PRMT7: variants seen among roughly 807,000 people sequenced by gnomAD.
The protein encoded by PRMT7 is protein arginine N-methyltransferase 7.
PRMT7 carries 75 observed loss-of-function variants against 85.4 expected under a neutral mutation model. That is an observed-to-expected ratio of 0.88 (90% CI 0.73 to 1.06). The LOEUF is 1.06. Among genes scored for constraint, PRMT7 ranks in the 50% least tolerant of loss-of-function variants. PRMT7 has a pLI of 0.00. For synonymous variants in PRMT7, 397 were observed against 359.5 expected, an observed-to-expected ratio of 1.10 and a Z score of -1.18; for missense variants, 868 against 915.2, an observed-to-expected ratio of 0.95 and a Z score of 0.67.
chr16:68,329,277 AG>A, intron 6 of PRMT7, 103 bp downstream of exon 6: 1 of 828,938 alleles, frequency 1.2e-6, no homozygotes, highest in Non-Finnish European at 2.0e-6. Context: ...ATAGCATAGA[AG>A]TGGGACCTCT....
chr16:68,331,556 C>T (rs1340458127), intron 6 of PRMT7, among the ~76,000 whole-genome samples: 2 of 151,208 alleles, frequency 1.3e-5, no homozygotes, highest in Non-Finnish European at 2.9e-5. Context: ...CAGCTTTGAC[C>T]TCCTGGGCTC....
intron 11 of PRMT7, among the ~76,000 whole-genome samples, chr16:68,346,785 G>T (rs1453081343): frequency 6.6e-6 from 1 of 152,034 alleles, no homozygotes; most frequent in Non-Finnish European, 1.5e-5. Flanking sequence ...TTTGGGGGAT[G>T]GGGGGAGGAT....
At chr16:68,343,204 CA>C (rs11419059) in intron 9 of PRMT7, among the ~76,000 whole-genome samples, 28 of 147,898 alleles carry the variant, frequency 1.9e-4, no homozygotes, top group Admixed American at 6.7e-4. Flanking sequence ...AACTCCGTCT[CA>C]AAAAAAAAAA....
chr16:68,316,131 G>C, intron 3 of PRMT7, 57 bp downstream of exon 3: 1 of 1,438,548 alleles, frequency 7.0e-7, no homozygotes, highest in Admixed American at 1.7e-5. Context: ...TCTCAAAGCA[G>C]ATGCCTTGGG....
At chr16:68,339,697 A>G in intron 8 of PRMT7, 91 bp from the exon 9 acceptor site, 4 of 1,573,476 alleles carry the variant, frequency 2.5e-6, no homozygotes, top group Non-Finnish European at 3.5e-6. Flanking sequence ...TTTGCAGCCA[A>G]ATGTCATTGC....
In PRMT7 at chr16:68,339,966, C is replaced by G. The variant is rs1317068382; in HGVS notation, c.925C>G (p.Gln309Glu). 23 of 1,607,536 alleles carry G rather than the reference C, an allele frequency of 1.4e-5. No homozygotes were observed. The highest frequency in any genetic ancestry group is 3.3e-4 in the Middle Eastern group (2 of 6,008). ...GGCACACTCAGACCCAGAGGAGATG[C>G]AGGTAAGAGGCAGGAGCCTAGCATG... ...FWAHSDPEEMQWRDHWMQCVY... is the reference protein window; with the variant it reads ...FWAHSDPEEMEWRDHWMQCVY... Residue 309 changes from glutamine (Q) to glutamate (E), a missense_variant and splice_region_variant, in exon 9 of 19, where the codon CAG becomes GAG. Physicochemically the swap from Gln to Glu is conservative, Grantham distance 29. Coordinates refer to ENST00000441236, the MANE Select transcript of PRMT7 (RefSeq NM_019023.5).
intron 12 of PRMT7, 126 bp downstream of exon 12, chr16:68,347,420 C>CG: frequency 9.0e-7 from 1 of 1,113,608 alleles, no homozygotes; most frequent in Admixed American, 2.6e-5. Context: ...ACAGCATGCT[C>CG]GGGTCAGGGG....
intron 16 of PRMT7, chr16:68,355,084 C>T (rs950561902): frequency 4.6e-5 from 7 of 152,928 alleles, no homozygotes; most frequent in African/African-American, 1.4e-4. Flanking sequence ...ACACGGAGCC[C>T]ACATGAACTT....
At chr16:68,338,864 G>A (rs1398685504) in intron 7 of PRMT7, among the ~76,000 whole-genome samples, 1 of 152,278 alleles carries the variant, frequency 6.6e-6, no homozygotes, top group African/African-American at 2.4e-5. Context: ...ACAAGGAGCC[G>A]GAGCCGGAGC....
Position 68,338,352 on chromosome 16 carries a change from C to T in PRMT7, c.504+781C>T, listed in dbSNP as rs547763600. 8.2e-4 allele frequency among the ~76,000 whole-genome samples: 125 copies of T among 151,908 alleles called. 3 individuals are homozygous for T. In the South Asian group the frequency reaches 0.023, roughly 28 times the overall value. On this transcript the variant is annotated intron_variant, in intron 7 of 18. Coordinates refer to ENST00000441236, the MANE Select transcript of PRMT7 (RefSeq NM_019023.5). Reference sequence around the variant, plus strand: ...ATTGGATGGTGGTGCTTCCTGTTGACGGGGAGTGCAGGAAGAGGGGTAGCC... The same window carrying T: ...ATTGGATGGTGGTGCTTCCTGTTGATGGGGAGTGCAGGAAGAGGGGTAGCC...
At chr16:68,323,085 T>G (rs1355882025) in intron 4 of PRMT7, among the ~76,000 whole-genome samples, 1 of 152,184 alleles carries the variant, frequency 6.6e-6, no homozygotes, top group Admixed American at 6.5e-5. Flanking sequence ...ACTGATTGTA[T>G]CTAAGACATA....
chr16:68,356,775 T>G lies in PRMT7; in HGVS notation c.1886T>G (p.Leu629Arg), dbSNP rs2088611391. 2 of 1,609,952 alleles carry G rather than the reference T, an allele frequency of 1.2e-6. No homozygotes were observed. The highest frequency in any genetic ancestry group is 2.2e-5 in the East Asian group (1 of 44,834). ...CCGGAGTGCACGCTCAGCACTGGCC[T>G]CCTGGAGCCTGCAGACCCCGAGGTA... ...LTPECTLSTG[L>R]LEPADPEGGC... Residue 629 changes from leucine (L) to arginine (R), a missense_variant, in exon 18 of 19, where the codon CTC (leucine) becomes CGC (arginine). By Grantham distance (102) the Leu-to-Arg change is moderately radical. Transcript: ENST00000441236.
intron 18 of PRMT7, 37 bp from the exon 19 acceptor site, chr16:68,357,017 G>C (rs2088686469): frequency 6.4e-7 from 1 of 1,569,106 alleles, no homozygotes; most frequent in Non-Finnish European, 8.7e-7. Context: ...TCAGGTGCCA[G>C]GGAGCCCTCA....
At chr16:68,323,306 C>T (rs1310210807) in intron 4 of PRMT7, among the ~76,000 whole-genome samples, 5 of 151,396 alleles carry the variant, frequency 3.3e-5, no homozygotes, top group Non-Finnish European at 5.9e-5. Context: ...GCAACCTCCA[C>T]CTCCCGAGTT....
Position 68,324,795 on chromosome 16 carries a change from C to A in PRMT7, c.245C>A (p.Ala82Glu). Residue 82 changes from alanine (A) to glutamate (E), a missense_variant, in exon 5 of 19, where the codon GCG (alanine) becomes GAG (glutamate). Ala to Glu is a moderately radical substitution (Grantham distance 107). Coordinates refer to ENST00000441236, the MANE Select transcript of PRMT7 (RefSeq NM_019023.5). Reference sequence around the variant, plus strand: ...GGCACGGGACTCTTGTCAATGATGGCGGTCACAGCAGGTGCCGACTTCTGC... The same window carrying A: ...GGCACGGGACTCTTGTCAATGATGGAGGTCACAGCAGGTGCCGACTTCTGC... ...GTGTGLLSMM[A>E]VTAGADFCYA... The A allele has an allele frequency of 6.2e-7, 1 of 1,614,132 alleles. No individual in the cohort carries two copies. The highest frequency in any genetic ancestry group is 1.1e-5 in the South Asian group (1 of 91,074).
intron 14 of PRMT7, chr16:68,351,560 T>A (rs952775356): frequency 6.6e-6 from 1 of 152,578 alleles, no homozygotes; most frequent in Non-Finnish European, 1.5e-5. Context: ...CTGTCCTGGC[T>A]GCCTTGGGCT....
At chr16:68,317,647 G>A (rs1195957817) in intron 3 of PRMT7, among the ~76,000 whole-genome samples, 1 of 152,068 alleles carries the variant, frequency 6.6e-6, no homozygotes, top group African/African-American at 2.4e-5. Context: ...GACCAACATG[G>A]AGAAACCCTG....
In PRMT7 at chr16:68,339,344, A is replaced by G. The variant is rs1465711756; in HGVS notation, c.527A>G (p.His176Arg). The change falls in exon 8 of 19, where the codon CAC becomes CGC. Residue 176 changes from histidine to arginine, a missense_variant. His to Arg is a conservative substitution (Grantham distance 29). Coordinates refer to ENST00000441236, the MANE Select transcript of PRMT7 (RefSeq NM_019023.5). The stretch of plus-strand genomic sequence containing the variant: ...TAGGAAAATTGTGAGGCCGTGCCCC[A>G]CAGAGCCACCGTCTATGCACAGCTG... ...LVEENCEAVP[H>R]RATVYAQLVE... The G allele has an allele frequency of 2.5e-6, 4 of 1,614,172 alleles. No individual in the cohort carries two copies. In the South Asian group the frequency reaches 4.4e-5, roughly 18 times the overall value.
chr16:68,327,159 C>T (rs2083224774), intron 5 of PRMT7, among the ~76,000 whole-genome samples: 1 of 152,048 alleles, frequency 6.6e-6, no homozygotes, highest in African/African-American at 2.4e-5. Context: ...CAGCATTTGT[C>T]CCTTGATTAT....
Sources: gnomAD v4.1 joint callset for allele counts (sites outside exome capture counted in the v4.1 genomes callset) on GRCh38, gnomAD v4.1.1 for gene constraint, MANE v1.5 for transcripts, NCBI Gene and HGNC (gene_info 2026-07-23, HGNC 2026-07-21) for gene names.